CTNNA3: variants seen among roughly 807,000 people sequenced by gnomAD.
CTNNA3 encodes catenin alpha-3.
A neutral mutation model predicts 95.7 loss-of-function variants in CTNNA3; 76 were observed. That is an observed-to-expected ratio of 0.79 (90% CI 0.66 to 0.96). The LOEUF is 0.96. CTNNA3 is among the 40% of genes least tolerant of loss of function. The pLI, the probability that CTNNA3 is intolerant of heterozygous loss-of-function variation, is 0.00. For synonymous variants in CTNNA3, 431 were observed against 374.4 expected (o/e 1.15, Z -1.74); for missense variants, 1,191 against 1,089.8 (o/e 1.09, Z -1.31).
chr10:66,373,874 CT>C (rs2092772823), intron 12 of CTNNA3, among the ~76,000 whole-genome samples: 1 of 152,190 alleles, frequency 6.6e-6, no homozygotes, highest in African/African-American at 2.4e-5. Context: ...GCTAAAGAAC[CT>C]TTTAAAAATC....
chr10:67,726,605 T>TTA (rs1564841334), intron 1 of CTNNA3, among the ~76,000 whole-genome samples: 820 of 26,800 alleles, frequency 0.031, 8 homozygotes, highest in Middle Eastern at 0.042. Context: ...ATATTACATA[T>TTA]TATATAATAT....
intron 9 of CTNNA3, among the ~76,000 whole-genome samples, chr10:66,762,146 T>A (rs961605694): frequency 2.6e-5 from 4 of 152,154 alleles, no homozygotes; most frequent in Non-Finnish European, 4.4e-5. Flanking sequence ...AATTTCATAT[T>A]TTTATCTTCC....
chr10:67,279,957 A>C (rs1839331997), intron 5 of CTNNA3, among the ~76,000 whole-genome samples: 1 of 150,708 alleles, frequency 6.6e-6, no homozygotes, highest in African/African-American at 2.5e-5. Context: ...TACTTCATAA[A>C]AGATACCAAA....
intron 7 of CTNNA3, among the ~76,000 whole-genome samples, chr10:67,096,998 C>G (rs1184299541): frequency 6.6e-6 from 1 of 151,864 alleles, no homozygotes. Flanking sequence ...CTAGATAATT[C>G]TCTTCTGCAA....
chr10:65,920,947 A>G (rs553706418), intron 17 of CTNNA3, among the ~76,000 whole-genome samples: 2 of 152,358 alleles, frequency 1.3e-5, no homozygotes, highest in South Asian at 2.1e-4. Flanking sequence ...ATTTTTTTGT[A>G]TCTAGATGGA....
At chr10:66,617,469 G>A (rs1031248607) in intron 10 of CTNNA3, among the ~76,000 whole-genome samples, 4 of 151,978 alleles carry the variant, frequency 2.6e-5, no homozygotes, top group African/African-American at 4.8e-5. Flanking sequence ...CCACATGATT[G>A]TCTCAATAGA....
chr10:67,371,425 T>A (rs1301881826), intron 5 of CTNNA3, among the ~76,000 whole-genome samples: 1 of 130,664 alleles, frequency 7.7e-6, no homozygotes, highest in Non-Finnish European at 1.6e-5. Flanking sequence ...TTCCCCTTCC[T>A]GTGTCCATGT....
chr10:66,395,620 T>C (rs2092969655), intron 11 of CTNNA3, among the ~76,000 whole-genome samples: 1 of 152,018 alleles, frequency 6.6e-6, no homozygotes, highest in African/African-American at 2.4e-5. Flanking sequence ...CTGTACTTAT[T>C]ATTTACCTTT....
chr10:66,269,424 A>T (rs1018629974), intron 13 of CTNNA3, among the ~76,000 whole-genome samples: 2 of 152,190 alleles, frequency 1.3e-5, no homozygotes, highest in African/African-American at 4.8e-5. Flanking sequence ...GAAGATATAT[A>T]AAAATCCCTG....
At chr10:66,517,955 C>T (rs1170845704) in intron 11 of CTNNA3, among the ~76,000 whole-genome samples, 2 of 152,086 alleles carry the variant, frequency 1.3e-5, no homozygotes, top group Non-Finnish European at 2.9e-5. Flanking sequence ...TATTATCCTC[C>T]TGTACGGACA....
chr10:65,956,165 T>C (rs1008729758), intron 17 of CTNNA3, among the ~76,000 whole-genome samples: 1 of 152,172 alleles, frequency 6.6e-6, no homozygotes, highest in Non-Finnish European at 1.5e-5. Flanking sequence ...GATTGTCTAG[T>C]TTATTTGTGT....
chr10:66,217,785 G>T (rs1367389015), intron 13 of CTNNA3, among the ~76,000 whole-genome samples: 1 of 152,116 alleles, frequency 6.6e-6, no homozygotes, highest in East Asian at 1.9e-4. Flanking sequence ...TACTATATTT[G>T]GATAAACAGT....
chr10:66,617,456 A>C (rs999961189), intron 10 of CTNNA3, among the ~76,000 whole-genome samples: 5 of 152,176 alleles, frequency 3.3e-5, no homozygotes, highest in African/African-American at 9.7e-5. Context: ...CCAAAGACAA[A>C]AACCACATGA....
At chr10:65,998,926 C>A (rs1015354636) in intron 15 of CTNNA3, among the ~76,000 whole-genome samples, 4 of 152,084 alleles carry the variant, frequency 2.6e-5, no homozygotes, top group Non-Finnish European at 5.9e-5. Context: ...AAGAAAGGCC[C>A]TTTCATTGCC....
chr10:67,303,316 TA>T (rs1694257549), intron 5 of CTNNA3, among the ~76,000 whole-genome samples: 1 of 152,182 alleles, frequency 6.6e-6, no homozygotes, highest in African/African-American at 2.4e-5. Context: ...GATAATATAA[TA>T]AATAACAAAG....
intron 10 of CTNNA3, among the ~76,000 whole-genome samples, chr10:66,600,920 G>A (rs188929368): frequency 2.0e-5 from 3 of 151,986 alleles, no homozygotes; most frequent in Admixed American, 6.6e-5. Context: ...ACACAATTAT[G>A]AGTAAATTAA....
upstream of CTNNA3, among the ~76,000 whole-genome samples, chr10:67,700,383 G>A (rs185044980): frequency 5.4e-3 from 820 of 152,282 alleles, 4 homozygotes; most frequent in African/African-American, 0.019. Flanking sequence ...CCCCCAGTAG[G>A]GGCAGACTGA....
chr10:67,693,646 G>A (rs1308254296), intron 1 of CTNNA3, among the ~76,000 whole-genome samples: 4 of 152,086 alleles, frequency 2.6e-5, no homozygotes, highest in African/African-American at 9.7e-5. Context: ...TTTAATACAG[G>A]AAGAATATAT....
intron 10 of CTNNA3, among the ~76,000 whole-genome samples, chr10:66,541,076 A>G (rs1383450679): frequency 6.6e-6 from 1 of 152,104 alleles, no homozygotes; most frequent in Non-Finnish European, 1.5e-5. Context: ...GTTAATAATA[A>G]TCAACTATTT....
Sources: gnomAD v4.1 joint callset for allele counts (sites outside exome capture counted in the v4.1 genomes callset) on GRCh38, gnomAD v4.1.1 for gene constraint, MANE v1.5 for transcripts, NCBI Gene and HGNC (gene_info 2026-07-23, HGNC 2026-07-21) for gene names.